ZNF644: variants seen among roughly 807,000 people sequenced by gnomAD.
ZNF644 encodes zinc finger motif enhancer binding protein 2.
ZNF644 carries 20 observed loss-of-function variants against 108.0 expected under a neutral mutation model. That is an observed-to-expected ratio of 0.19 (90% CI 0.13 to 0.27). ZNF644 has a LOEUF of 0.27. Ranked by LOEUF, ZNF644 falls within the 10% of genes least tolerant of loss-of-function variation. ZNF644 has a pLI of 1.00. For synonymous variants in ZNF644, 542 were observed against 539.1 expected (o/e 1.01, Z -0.08); for missense variants, 1,338 against 1,548.9 (o/e 0.86, Z 2.29).
chr1:90,970,252 T>C (rs1655319316), intron 2 of ZNF644, among the ~76,000 whole-genome samples: 2 of 152,232 alleles, frequency 1.3e-5, no homozygotes, highest in South Asian at 4.1e-4. Context: ...TTTCAGCCCA[T>C]ACAATAGAAA....
intron 2 of ZNF644, among the ~76,000 whole-genome samples, chr1:90,947,799 A>G (rs1652678703): frequency 1.3e-5 from 2 of 152,190 alleles, no homozygotes; most frequent in South Asian, 4.1e-4. Context: ...CATCTAAACT[A>G]TTGAACATTG....
In ZNF644 at chr1:90,974,131, C is replaced by T. The variant is rs139348791; in HGVS notation, c.44+8179G>A. 3.0e-3 allele frequency among the ~76,000 whole-genome samples: 454 copies of T among 152,132 alleles called. 3 individuals are homozygous for T. The highest frequency in any genetic ancestry group is 4.6e-3 in the South Asian group (22 of 4,822). ...CCCAGTTTATCACCATTAGATCATA[C>T]CCTTTTGTCCTCTAATCATACTCCT... On this transcript the variant is annotated intron_variant, in intron 2 of 5. Transcript: ENST00000337393.
At chr1:90,931,505 T>G (rs939959658) in intron 4 of ZNF644, among the ~76,000 whole-genome samples, 1 of 152,096 alleles carries the variant, frequency 6.6e-6, no homozygotes, top group Non-Finnish European at 1.5e-5. Flanking sequence ...TTGATAAAGA[T>G]TGATCGGGGA....
intron 2 of ZNF644, among the ~76,000 whole-genome samples, chr1:90,941,984 T>A (rs1652042960): frequency 6.6e-6 from 1 of 152,206 alleles, no homozygotes; most frequent in African/African-American, 2.4e-5. Flanking sequence ...CATAGTTTTG[T>A]TCATTCCTTA....
At chr1:90,935,492 T>A in intron 4 of ZNF644, 1 of 985,870 alleles carries the variant, frequency 1.0e-6, no homozygotes, top group Non-Finnish European at 1.2e-6. Context: ...GTAAACGTCG[T>A]ATTGCAATGC....
chr1:90,992,874 G>C (rs1391042736), intron 1 of ZNF644, among the ~76,000 whole-genome samples: 2 of 151,918 alleles, frequency 1.3e-5, no homozygotes, highest in Admixed American at 1.3e-4. Flanking sequence ...AGGAGACTCT[G>C]CCTCTACAAA....
At chr1:90,982,243 A>C in intron 2 of ZNF644, 67 bp downstream of exon 2, 1 of 1,345,160 alleles carries the variant, frequency 7.4e-7, no homozygotes, top group Admixed American at 1.7e-5. Flanking sequence ...CCACATTTTT[A>C]AGACATAATT....
At chr1:90,973,852 T>C (rs1655743177) in intron 2 of ZNF644, among the ~76,000 whole-genome samples, 1 of 152,116 alleles carries the variant, frequency 6.6e-6, no homozygotes, top group Non-Finnish European at 1.5e-5. Context: ...AGTGACTTCC[T>C]AGTAATGAGA....
At chr1:90,988,270 AAAGAAATT>A (rs1217830094) in intron 1 of ZNF644, among the ~76,000 whole-genome samples, 1 of 152,222 alleles carries the variant, frequency 6.6e-6, no homozygotes, top group Non-Finnish European at 1.5e-5. Context: ...GCAATTTGAA[AAAGAAATT>A]AACACAATTC....
intron 5 of ZNF644, 65 bp from the exon 6 acceptor site, chr1:90,917,055 A>G (rs1648849058): frequency 6.6e-7 from 1 of 1,515,892 alleles, no homozygotes; most frequent in Admixed American, 1.7e-5. Flanking sequence ...ATTCACACAA[A>G]ATCCTAAAAC....
chr1:91,010,892 A>C lies in ZNF644; in HGVS notation c.-18+11098T>G, dbSNP rs114865545. 5.2e-3 allele frequency among the ~76,000 whole-genome samples: 788 copies of C among 152,352 alleles called. 6 individuals are homozygous for C. Among genetic ancestry groups the C allele is most frequent in the African/African-American group, 0.018 (766 of 41,596 alleles). On this transcript the variant is annotated intron_variant, in intron 1 of 5. Transcript: ENST00000337393. ...ACAAGACTTTTCTGAATACAAAAAA[A>C]CTGAAATCTCCCAAAACTAAATTCA...
At chr1:90,978,230 T>C (rs1383600374) in intron 2 of ZNF644, among the ~76,000 whole-genome samples, 1 of 151,900 alleles carries the variant, frequency 6.6e-6, no homozygotes, top group Non-Finnish European at 1.5e-5. Flanking sequence ...CATGCACCTA[T>C]AGTCCCAGCT....
chr1:90,940,639 T>C lies in ZNF644; in HGVS notation c.715A>G (p.Asn239Asp), dbSNP rs1651861390. 3 of 1,614,072 alleles carry C rather than the reference T, an allele frequency of 1.9e-6. No individual in the cohort carries two copies. In the South Asian group the frequency reaches 3.3e-5, roughly 18 times the overall value. ...CCTGAGGAAATTCCCGTTACTGTAT[T>C]GACACAATCATCTTTCACCAATAAA... is the stretch of plus-strand genomic sequence containing the variant. Reference protein sequence around the residue: ...EDLLVKDDCVNTVTGISSGTD... With the variant: ...EDLLVKDDCVDTVTGISSGTD... The change falls in exon 3 of 6, where the codon AAT (asparagine) becomes GAT (aspartate). Residue 239 changes from asparagine to aspartate, a missense_variant. This residue lies in a region of ZNF644 where 464 missense variants were observed against 457.9 expected (regional missense o/e 1.01). Coordinates refer to ENST00000337393, the MANE Select transcript of ZNF644 (RefSeq NM_201269.3).
At chr1:90,951,410 C>T (rs1260547309) in intron 2 of ZNF644, among the ~76,000 whole-genome samples, 4 of 152,206 alleles carry the variant, frequency 2.6e-5, no homozygotes, top group African/African-American at 9.6e-5. Context: ...CTGCTGTAGA[C>T]ACATTGGCTT....
At chr1:91,007,858 T>C (rs942281373) in intron 1 of ZNF644, among the ~76,000 whole-genome samples, 5 of 152,224 alleles carry the variant, frequency 3.3e-5, no homozygotes, top group South Asian at 4.1e-4. Context: ...ATATTAAGGT[T>C]ATCCTCAAAT....
At chr1:91,014,107 T>G (rs1044310148) in intron 1 of ZNF644, among the ~76,000 whole-genome samples, 1 of 152,196 alleles carries the variant, frequency 6.6e-6, no homozygotes, top group Admixed American at 6.5e-5. Flanking sequence ...GTACAACACA[T>G]TTTGAAATAC....
chr1:90,974,047 A>G (rs979876559), intron 2 of ZNF644, among the ~76,000 whole-genome samples: 2 of 152,128 alleles, frequency 1.3e-5, no homozygotes, highest in African/African-American at 2.4e-5. Flanking sequence ...GTGTCCGTAT[A>G]GATGTGTCAC....
At chr1:90,997,753 A>C (rs1658296391) in intron 1 of ZNF644, among the ~76,000 whole-genome samples, 1 of 152,280 alleles carries the variant, frequency 6.6e-6, no homozygotes, top group African/African-American at 2.4e-5. Flanking sequence ...GCATCGCCTC[A>C]CCCGGGAAGT....
intron 2 of ZNF644, among the ~76,000 whole-genome samples, chr1:90,981,396 T>C (rs1656537522): frequency 6.6e-6 from 1 of 152,090 alleles, no homozygotes; most frequent in Admixed American, 6.6e-5. Flanking sequence ...AAGCAAAATT[T>C]TGCTTCAAAA....
Sources: gnomAD v4.1 joint callset for allele counts (sites outside exome capture counted in the v4.1 genomes callset) on GRCh38, gnomAD v4.1.1 for gene constraint, gnomAD v4.1.1 regional missense constraint, MANE v1.5 for transcripts, NCBI Gene and HGNC (gene_info 2026-07-23, HGNC 2026-07-21) for gene names.